SYNDIG1: variants seen among roughly 807,000 people sequenced by gnomAD.
SYNDIG1 encodes synapse differentiation inducing 1.
In SYNDIG1, 9 loss-of-function variants were observed where a neutral mutation model predicts 19.4. That is an observed-to-expected ratio of 0.46 (90% CI 0.28 to 0.81). SYNDIG1 has a LOEUF of 0.81. Ranked by LOEUF, SYNDIG1 falls within the 30% of genes least tolerant of loss-of-function variation. SYNDIG1 has a pLI of 0.12. For missense variants in SYNDIG1, 311 were observed against 343.3 expected (o/e 0.91, Z 0.74); for synonymous variants, 141 against 145.9 (o/e 0.97, Z 0.24).
At chr20:24,486,330 G>A (rs940680299) in intron 1 of SYNDIG1, among the ~76,000 whole-genome samples, 4 of 152,234 alleles carry the variant, frequency 2.6e-5, no homozygotes, top group African/African-American at 9.6e-5. Context: ...TGATGCCATT[G>A]CTGCTTATCC....
At chr20:24,644,274 T>C (rs2059404386) in intron 3 of SYNDIG1, among the ~76,000 whole-genome samples, 1 of 152,258 alleles carries the variant, frequency 6.6e-6, no homozygotes. Context: ...CAGAGGTTAA[T>C]TAAAATGACA....
chr20:24,648,513 G>T (rs1363276391), intron 3 of SYNDIG1, among the ~76,000 whole-genome samples: 2 of 152,200 alleles, frequency 1.3e-5, no homozygotes, highest in Admixed American at 6.5e-5. Flanking sequence ...AGGAATTCTT[G>T]CAGCAGGCAA....
chr20:24,556,875 C>T (rs1274186586), intron 2 of SYNDIG1, among the ~76,000 whole-genome samples: 1 of 152,206 alleles, frequency 6.6e-6, no homozygotes, highest in Admixed American at 6.5e-5. Context: ...TGGGGAAGTT[C>T]TCCTGGATAA....
chr20:24,653,836 C>T (rs974457182), intron 3 of SYNDIG1, among the ~76,000 whole-genome samples: 2 of 152,350 alleles, frequency 1.3e-5, no homozygotes, highest in Middle Eastern at 3.4e-3. Flanking sequence ...TGCGACTTCA[C>T]GGGGTCATCC....
At chr20:24,552,998 C>A (rs922736640) in intron 2 of SYNDIG1, among the ~76,000 whole-genome samples, 3 of 151,824 alleles carry the variant, frequency 2.0e-5, no homozygotes, top group African/African-American at 7.3e-5. Flanking sequence ...TAATGATTGC[C>A]ATTCTAACTG....
chr20:24,648,003 G>T (rs1378242122), intron 3 of SYNDIG1, among the ~76,000 whole-genome samples: 2 of 152,018 alleles, frequency 1.3e-5, no homozygotes, highest in African/African-American at 4.8e-5. Flanking sequence ...TCACTAGTTT[G>T]CAGAGAGAGA....
At chr20:24,501,412 C>A (rs905580724) in intron 1 of SYNDIG1, among the ~76,000 whole-genome samples, 2 of 152,232 alleles carry the variant, frequency 1.3e-5, no homozygotes, top group African/African-American at 2.4e-5. Context: ...TGGATCGAAT[C>A]TGTGAATCCA....
At chr20:24,538,784 T>TA (rs397719758) in intron 1 of SYNDIG1, among the ~76,000 whole-genome samples, 1 of 151,874 alleles carries the variant, frequency 6.6e-6, no homozygotes, top group Non-Finnish European at 1.5e-5. Context: ...TTTTTTTTTT[T>TA]AACAGTAGCC....
rs141174553 is a variant in SYNDIG1 at position 24,644,204 on chromosome 20, A to T, written c.619-21142A>T. 3.4e-3 allele frequency among the ~76,000 whole-genome samples: 512 copies of T among 152,362 alleles called. 2 individuals are homozygous for T. Among genetic ancestry groups the T allele is most frequent in the South Asian group, 0.015 (73 of 4,830 alleles). On this transcript the variant is annotated intron_variant, in intron 3 of 3. Coordinates refer to ENST00000376862, the MANE Select transcript of SYNDIG1 (RefSeq NM_024893.3). ...TGCTCTATGGAGTCTCCATGTGCTC[A>T]TCCATGAAGCAAGGCTGTTGTGAAT...
intron 1 of SYNDIG1, among the ~76,000 whole-genome samples, chr20:24,504,116 C>G (rs917962457): frequency 6.6e-6 from 1 of 152,114 alleles, no homozygotes; most frequent in Non-Finnish European, 1.5e-5. Context: ...CCTGCCACCA[C>G]GCCGACTAAT....
intron 2 of SYNDIG1, among the ~76,000 whole-genome samples, chr20:24,563,462 A>T (rs2057983346): frequency 6.6e-6 from 1 of 152,156 alleles, no homozygotes; most frequent in Non-Finnish European, 1.5e-5. Context: ...GATCTGGAGG[A>T]TGAGACACCG....
chr20:24,483,654 G>A (rs1248538397), intron 1 of SYNDIG1, among the ~76,000 whole-genome samples: 1 of 152,212 alleles, frequency 6.6e-6, no homozygotes, highest in African/African-American at 2.4e-5. Flanking sequence ...ACCTGCCTGC[G>A]GCTGACCGTC....
chr20:24,601,837 T>G (rs2058684219), intron 3 of SYNDIG1, among the ~76,000 whole-genome samples: 1 of 152,208 alleles, frequency 6.6e-6, no homozygotes, highest in Middle Eastern at 3.2e-3. Context: ...TAGAGTGGCT[T>G]TTCTTGTGGT....
At chr20:24,573,255 G>T (rs1216914130) in intron 2 of SYNDIG1, among the ~76,000 whole-genome samples, 1 of 152,204 alleles carries the variant, frequency 6.6e-6, no homozygotes, top group Non-Finnish European at 1.5e-5. Flanking sequence ...CCTTCTGGAT[G>T]GGTCATAGAA....
intron 1 of SYNDIG1, among the ~76,000 whole-genome samples, chr20:24,500,418 T>C (rs1465259213): frequency 2.0e-5 from 3 of 152,212 alleles, no homozygotes; most frequent in Non-Finnish European, 4.4e-5. Context: ...TGTTCAGGCA[T>C]TTCAGTATCA....
chr20:24,475,863 C>CT (rs796790374), intron 1 of SYNDIG1, among the ~76,000 whole-genome samples: 1,969 of 144,372 alleles, frequency 0.014, 40 homozygotes, highest in African/African-American at 0.04. Flanking sequence ...TGCATAGTAT[C>CT]TTTTTTTTTT....
At chr20:24,497,244 C>T (rs939887640) in intron 1 of SYNDIG1, among the ~76,000 whole-genome samples, 3 of 152,020 alleles carry the variant, frequency 2.0e-5, no homozygotes, top group African/African-American at 7.3e-5. Context: ...TCTGTGCTGC[C>T]CAGGCTGAGT....
intron 3 of SYNDIG1, among the ~76,000 whole-genome samples, chr20:24,652,255 C>A (rs1013293399): frequency 1.3e-5 from 2 of 152,208 alleles, no homozygotes; most frequent in Non-Finnish European, 2.9e-5. Context: ...AGGCTCCCCC[C>A]AGCAAGTGAG....
intron 2 of SYNDIG1, among the ~76,000 whole-genome samples, chr20:24,571,961 A>G (rs2058151788): frequency 6.6e-6 from 1 of 152,340 alleles, no homozygotes. Context: ...TTACCAGATC[A>G]CTGTATCCAG....
Sources: gnomAD v4.1 joint callset for allele counts (sites outside exome capture counted in the v4.1 genomes callset) on GRCh38, gnomAD v4.1.1 for gene constraint, MANE v1.5 for transcripts, NCBI Gene and HGNC (gene_info 2026-07-23, HGNC 2026-07-21) for gene names.